MARCHF4: variants seen among roughly 807,000 people sequenced by gnomAD.
MARCHF4 encodes E3 ubiquitin-protein ligase MARCHF4.
MARCHF4 carries 14 observed loss-of-function variants against 43.9 expected under a neutral mutation model. That is an observed-to-expected ratio of 0.32 (90% CI 0.21 to 0.50). MARCHF4 has a LOEUF of 0.50. Among genes scored for constraint, MARCHF4 ranks in the 20% least tolerant of loss-of-function variants. The probability of loss-of-function intolerance (pLI) is 0.98; values close to 1 mark genes in which losing one functional copy is unlikely to be tolerated. For synonymous variants in MARCHF4, 226 were observed against 213.3 expected (o/e 1.06, Z -0.52); for missense variants, 468 against 536.7 (o/e 0.87, Z 1.27).
chr2:216,310,933 TG>T (rs1304120511), intron 1 of MARCHF4, among the ~76,000 whole-genome samples: 1 of 152,112 alleles, frequency 6.6e-6, no homozygotes, highest in Non-Finnish European at 1.5e-5. Context: ...TCACAAGTGA[TG>T]GGAAGGAGTG....
At chr2:216,354,891 TTTTC>T (rs71054468) in intron 1 of MARCHF4, among the ~76,000 whole-genome samples, 2,498 of 86,460 alleles carry the variant, frequency 0.029, 109 homozygotes, top group African/African-American at 0.033. Context: ...TTAATAATTG[TTTTC>T]TTTCTTTCTT....
intron 3 of MARCHF4, among the ~76,000 whole-genome samples, chr2:216,264,529 G>A (rs1690813391): frequency 6.6e-6 from 1 of 152,212 alleles, no homozygotes; most frequent in Non-Finnish European, 1.5e-5. Context: ...ACATTGGTAT[G>A]CTCTTTTCTC....
intron 1 of MARCHF4, among the ~76,000 whole-genome samples, chr2:216,293,020 C>T (rs1691331829): frequency 1.3e-5 from 2 of 152,194 alleles, no homozygotes; most frequent in South Asian, 2.1e-4. Flanking sequence ...TGAGTTTCCC[C>T]CTTATCTGTG....
intron 1 of MARCHF4, among the ~76,000 whole-genome samples, chr2:216,363,967 G>A (rs1279197460): frequency 6.6e-6 from 1 of 152,100 alleles, no homozygotes; most frequent in African/African-American, 2.4e-5. Context: ...ACCCCAAAGT[G>A]ACCTTATTTA....
intron 2 of MARCHF4, among the ~76,000 whole-genome samples, chr2:216,281,422 G>A (rs1691125919): frequency 6.6e-6 from 1 of 152,202 alleles, no homozygotes; most frequent in Non-Finnish European, 1.5e-5. Context: ...AGGAGACCTG[G>A]AAGGAGCTTC....
At chr2:216,310,302 C>T (rs1199048657) in intron 1 of MARCHF4, among the ~76,000 whole-genome samples, 1 of 152,146 alleles carries the variant, frequency 6.6e-6, no homozygotes, top group Non-Finnish European at 1.5e-5. Flanking sequence ...CACTCTGTCA[C>T]CCAGGCTGGA....
At chr2:216,301,764 GT>G (rs1401177750) in intron 1 of MARCHF4, among the ~76,000 whole-genome samples, 1 of 152,194 alleles carries the variant, frequency 6.6e-6, no homozygotes, top group African/African-American at 2.4e-5. Flanking sequence ...GATGCATGTG[GT>G]TTTTGGAGAA....
chr2:216,317,122 C>A (rs560007723), intron 1 of MARCHF4, among the ~76,000 whole-genome samples: 1 of 152,244 alleles, frequency 6.6e-6, no homozygotes, highest in Admixed American at 6.5e-5. Context: ...AGTGCCCCCA[C>A]CCCCCAAAGC....
chr2:216,362,283 T>TAC (rs1574488555), intron 1 of MARCHF4, among the ~76,000 whole-genome samples: 2 of 152,044 alleles, frequency 1.3e-5, no homozygotes, highest in Admixed American at 6.5e-5. Flanking sequence ...TTTTCGTTTA[T>TAC]ACACACACAC....
In MARCHF4 at chr2:216,362,259, C is replaced by A. The variant is rs569301486; in HGVS notation, c.516+7486G>T. ...GAGATTGCAAGGGGTCATCCATACC[C>A]TCATTGCTTGGCCTTTTCGTTTATA... On this transcript the variant is annotated intron_variant, in intron 1 of 3. Transcript: ENST00000273067. 1.3e-3 allele frequency among the ~76,000 whole-genome samples: 194 copies of A among 152,270 alleles called. 1 individual carries two copies. Among genetic ancestry groups the A allele is most frequent in the African/African-American group, 4.4e-3 (182 of 41,542 alleles).
chr2:216,361,109 C>A (rs1437809168), intron 1 of MARCHF4, among the ~76,000 whole-genome samples: 1 of 152,096 alleles, frequency 6.6e-6, no homozygotes, highest in East Asian at 1.9e-4. Flanking sequence ...TAGACACATA[C>A]AAATATAAAC....
chr2:216,277,961 T>G lies in MARCHF4; in HGVS notation c.673-97A>C, dbSNP rs1311836035. The G allele has an allele frequency of 4.9e-6, 6 of 1,218,180 alleles. No homozygotes were observed. The African/African-American group carries it at 9.1e-5, about 18-fold the overall frequency. 75.5% of individuals were successfully genotyped at this position (1,218,180 alleles called of 1,614,324 possible). The stretch of plus-strand genomic sequence containing the variant: ...GCTGCTCCAACAGCTCACCTCTGAT[T>G]TAGGATTTAAGCCAGGGCTTTCCAA... On this transcript the variant is annotated intron_variant, in intron 2 of 3. Coordinates refer to ENST00000273067, the MANE Select transcript of MARCHF4 (RefSeq NM_020814.3).
chr2:216,277,078 A>C (rs1691036982), intron 3 of MARCHF4, among the ~76,000 whole-genome samples: 2 of 152,280 alleles, frequency 1.3e-5, no homozygotes, highest in South Asian at 4.1e-4. Context: ...AGGAGTGAGG[A>C]TTTGAAGCCT....
At chr2:216,305,168 G>A (rs1266662478) in intron 1 of MARCHF4, among the ~76,000 whole-genome samples, 1 of 152,142 alleles carries the variant, frequency 6.6e-6, no homozygotes, top group African/African-American at 2.4e-5. Context: ...CTGCAGGAGG[G>A]CAGGACTATG....
chr2:216,302,916 A>G (rs993862999), intron 1 of MARCHF4, among the ~76,000 whole-genome samples: 1 of 132,672 alleles, frequency 7.5e-6, no homozygotes, highest in Non-Finnish European at 1.7e-5. Context: ...AAAAAAAAAA[A>G]AAAAAAAGAA....
chr2:216,324,719 T>C (rs1165680658), intron 1 of MARCHF4, among the ~76,000 whole-genome samples: 77 of 140,222 alleles, frequency 5.5e-4, no homozygotes, highest in Admixed American at 1.1e-3. Flanking sequence ...AAAAACCACA[T>C]GATTATCTCA....
At chr2:216,350,786 T>C (rs1311469498) in intron 1 of MARCHF4, among the ~76,000 whole-genome samples, 1 of 152,204 alleles carries the variant, frequency 6.6e-6, no homozygotes, top group Admixed American at 6.5e-5. Context: ...ATGACAATCA[T>C]TTGCTCACAC....
intron 3 of MARCHF4, among the ~76,000 whole-genome samples, chr2:216,267,527 A>T (rs534337163): frequency 3.3e-5 from 5 of 152,278 alleles, no homozygotes; most frequent in Admixed American, 1.3e-4. Context: ...AGAATCTCCT[A>T]CTGCTCAGGA....
intron 1 of MARCHF4, among the ~76,000 whole-genome samples, chr2:216,324,121 G>A (rs1170666815): frequency 2.0e-5 from 3 of 147,688 alleles, no homozygotes; most frequent in Non-Finnish European, 4.5e-5. Flanking sequence ...AATAAAAAAT[G>A]ATAAAGGGGA....
Sources: allele counts gnomAD v4.1 joint callset (sites outside exome capture counted in the v4.1 genomes callset), GRCh38; gene constraint gnomAD v4.1.1; transcripts MANE v1.5; gene names NCBI Gene and HGNC (gene_info 2026-07-23, HGNC 2026-07-21).